The following UBE2V1 variants were observed in gnomAD, a reference collection of about 807,000 sequenced individuals.
UBE2V1 encodes the protein ubiquitin conjugating enzyme E2 V1.
A neutral mutation model predicts 19.6 loss-of-function variants in UBE2V1; 15 were observed. The observed-to-expected ratio is 0.77, with a 90% confidence interval of 0.51 to 1.18. The LOEUF (loss-of-function observed/expected upper bound fraction) is 1.18. UBE2V1 is among the 50% of genes most tolerant of loss of function. The probability of loss-of-function intolerance (pLI) is 0.00; values close to 1 mark genes in which losing one functional copy is unlikely to be tolerated. For missense variants in UBE2V1, 125 were observed against 184.8 expected (o/e 0.68, Z 1.88); for synonymous variants, 60 against 60.7 (o/e 0.99, Z 0.05).
chr20:50,083,857 C>T, intron 3 of UBE2V1: 1 of 254,826 alleles, frequency 3.9e-6, no homozygotes, highest in Non-Finnish European at 7.4e-6. Flanking sequence ...TCAGTTTCCT[C>T]ATCTCTACCT....
intron 1 of UBE2V1, among the ~76,000 whole-genome samples, chr20:50,104,851 C>T (rs1386845363): frequency 2.6e-5 from 4 of 151,692 alleles, no homozygotes; most frequent in Non-Finnish European, 2.9e-5. Flanking sequence ...CTCAGCCTCC[C>T]GAGTGGCTGG....
chr20:50,103,984 G>A (rs887904367), intron 1 of UBE2V1, among the ~76,000 whole-genome samples: 1 of 149,138 alleles, frequency 6.7e-6, no homozygotes, highest in African/African-American at 2.6e-5. Context: ...TTTGCTGGTT[G>A]AAGAAATGGC....
chr20:50,107,556 G>A (rs1337570245), intron 1 of UBE2V1, among the ~76,000 whole-genome samples: 3 of 152,186 alleles, frequency 2.0e-5, no homozygotes, highest in African/African-American at 4.8e-5. Context: ...CTACGATCAA[G>A]TACCTCTATA....
chr20:50,100,070 C>T (rs2079886172), intron 1 of UBE2V1, among the ~76,000 whole-genome samples: 1 of 152,040 alleles, frequency 6.6e-6, no homozygotes, highest in South Asian at 2.1e-4. Flanking sequence ...TGCACTCCAG[C>T]CTGGGCGACA....
chr20:50,101,471 T>C (rs1601090373), intron 1 of UBE2V1, among the ~76,000 whole-genome samples: 1 of 135,974 alleles, frequency 7.4e-6, no homozygotes, highest in South Asian at 2.4e-4. Flanking sequence ...TAGGCTGGAG[T>C]GCAATGACGC....
intron 1 of UBE2V1, among the ~76,000 whole-genome samples, chr20:50,110,077 G>A (rs575402641): frequency 6.6e-6 from 1 of 152,340 alleles, no homozygotes; most frequent in South Asian, 2.1e-4. Flanking sequence ...AGGCCACTCC[G>A]ATGTATGCAA....
chr20:50,094,228 T>C (rs1268853351), intron 2 of UBE2V1, among the ~76,000 whole-genome samples: 1 of 140,396 alleles, frequency 7.1e-6, no homozygotes, highest in Non-Finnish European at 1.5e-5. Flanking sequence ...ATATGCATTA[T>C]ATAATATATA....
At chr20:50,111,013 G>A (rs1165225858) in intron 1 of UBE2V1, among the ~76,000 whole-genome samples, 2 of 152,176 alleles carry the variant, frequency 1.3e-5, no homozygotes, top group Non-Finnish European at 2.9e-5. Flanking sequence ...ATCTGAAATT[G>A]TCTTATTTAC....
intron 2 of UBE2V1, among the ~76,000 whole-genome samples, chr20:50,091,605 C>G (rs1046230077): frequency 2.6e-5 from 4 of 151,798 alleles, no homozygotes; most frequent in African/African-American, 9.7e-5. Context: ...ATTGGCCAGG[C>G]TGGTCTTGAA....
intron 1 of UBE2V1, among the ~76,000 whole-genome samples, chr20:50,101,117 C>T (rs1001218517): frequency 6.6e-6 from 1 of 152,166 alleles, no homozygotes; most frequent in Non-Finnish European, 1.5e-5. Flanking sequence ...GGATTTGGAA[C>T]AGGAATTGAG....
At chr20:50,107,542 A>G (rs2080468058) in intron 1 of UBE2V1, among the ~76,000 whole-genome samples, 1 of 152,208 alleles carries the variant, frequency 6.6e-6, no homozygotes, top group African/African-American at 2.4e-5. Context: ...GAGGATGGTT[A>G]ATTCTACGAT....
At chr20:50,113,968 A>AG (rs1293271373), upstream of UBE2V1, among the ~76,000 whole-genome samples, 15 of 152,342 alleles carry the variant, frequency 9.8e-5, no homozygotes, top group East Asian at 2.7e-3. Flanking sequence ...TAATTCTGAT[A>AG]GGGTAGAGAT....
At chr20:50,087,738 ATG>A (rs2079004295) in intron 2 of UBE2V1, among the ~76,000 whole-genome samples, 1 of 152,188 alleles carries the variant, frequency 6.6e-6, no homozygotes, top group Non-Finnish European at 1.5e-5. Context: ...TGTGCACAAA[ATG>A]TGAAGCACTG....
chr20:50,111,539 T>C (rs1485693788), intron 1 of UBE2V1: 2 of 1,000,210 alleles, frequency 2.0e-6, no homozygotes, highest in African/African-American at 1.7e-5. Context: ...TCATGGTAAA[T>C]GAATTGACTC....
intron 1 of UBE2V1, among the ~76,000 whole-genome samples, chr20:50,104,583 A>AG (rs1260986535): frequency 5.1e-5 from 6 of 118,688 alleles, no homozygotes; most frequent in Non-Finnish European, 8.3e-5. Flanking sequence ...CGTGAACCCC[A>AG]GGGGGCGGAG....
chr20:50,091,672 C>T (rs1293755037), intron 2 of UBE2V1, among the ~76,000 whole-genome samples: 4 of 152,012 alleles, frequency 2.6e-5, no homozygotes, highest in South Asian at 2.1e-4. Flanking sequence ...GAATTACAGG[C>T]GTGAGTTACC....
At chr20:50,093,912 C>T (rs544921663) in intron 2 of UBE2V1, among the ~76,000 whole-genome samples, 79 of 139,576 alleles carry the variant, frequency 5.7e-4, no homozygotes, top group Non-Finnish European at 1.1e-3. Context: ...TGCTTGAATC[C>T]GGGAGGTGGA....
intron 1 of UBE2V1, among the ~76,000 whole-genome samples, chr20:50,097,937 T>C (rs759682245): frequency 6.6e-6 from 1 of 152,186 alleles, no homozygotes; most frequent in Non-Finnish European, 1.5e-5. Context: ...TTAGTATACA[T>C]CGGGGACTTT....
chr20:50,099,393 T>C lies in UBE2V1; in HGVS notation c.23-2573A>G, dbSNP rs757840007. Among the ~76,000 whole-genome samples the C allele has an allele frequency of 6.6e-5, 10 of 152,242 alleles. No homozygotes were observed. In the East Asian group the frequency reaches 7.7e-4, roughly 12 times the overall value. On this transcript the variant is annotated intron_variant, in intron 1 of 3. Coordinates refer to ENST00000371674, the MANE Select transcript of UBE2V1 (RefSeq NM_001032288.3). Reference sequence around the variant, plus strand: ...TTATGACAGCACTAGCAAACTCATATAGATGATAAGTGACATCTTAAGGAG... The same window carrying C: ...TTATGACAGCACTAGCAAACTCATACAGATGATAAGTGACATCTTAAGGAG...
Sources: gnomAD v4.1 joint callset for allele counts (sites outside exome capture counted in the v4.1 genomes callset) on GRCh38, gnomAD v4.1.1 for gene constraint, MANE v1.5 for transcripts, NCBI Gene and HGNC (gene_info 2026-07-23, HGNC 2026-07-21) for gene names.